The following AKAP6 variants were observed in gnomAD, a reference collection of about 807,000 sequenced individuals.
The protein encoded by AKAP6 is A-kinase anchoring protein 6, also known as A-kinase anchor protein 6.
AKAP6 carries 58 observed loss-of-function variants against 188.5 expected under a neutral mutation model. The ratio of observed to expected loss-of-function variants is 0.31; its 90% CI spans 0.25 to 0.38. AKAP6 has a LOEUF of 0.38. Ranked by LOEUF, AKAP6 falls within the 10% of genes least tolerant of loss-of-function variation. The pLI, the probability that AKAP6 is intolerant of heterozygous loss-of-function variation, is 1.00. For missense variants in AKAP6, 2,710 were observed against 2,740.0 expected (o/e 0.99, Z 0.24); for synonymous variants, 989 against 998.6 (o/e 0.99, Z 0.18).
Position 32,545,961 on chromosome 14 carries a change from A to G in AKAP6, c.1308A>G (p.Lys436=). The part of the protein sequence containing the change: ...PSLVDPPDRS[K]LCLVLQSSYP... ...TAGTAGATCCTCCTGACAGATCCAA[A>G]CTTTGCCTGGTATTGCAGTCTTCTT... Residue 436 remains lysine, a synonymous_variant, in exon 4 of 14, where the codon AAA becomes AAG. Transcript: ENST00000280979. The G allele has an allele frequency of 6.2e-7, 1 of 1,614,144 alleles. No individual in the cohort carries two copies. The highest frequency in any genetic ancestry group is 8.5e-7 in the Non-Finnish European group (1 of 1,180,014).
At chr14:32,378,424 T>C (rs1427638357) in intron 1 of AKAP6, among the ~76,000 whole-genome samples, 1 of 152,156 alleles carries the variant, frequency 6.6e-6, no homozygotes, top group Non-Finnish European at 1.5e-5. Context: ...CCATGAAATA[T>C]CTTATGTGTG....
intron 9 of AKAP6, among the ~76,000 whole-genome samples, chr14:32,725,375 T>C (rs766207255): frequency 4.6e-5 from 7 of 152,256 alleles, no homozygotes; most frequent in Non-Finnish European, 1.0e-4. Flanking sequence ...GGTCTGCCCC[T>C]TGGGCACGTC....
intron 2 of AKAP6, among the ~76,000 whole-genome samples, chr14:32,523,038 A>G (rs1010289062): frequency 5.9e-5 from 9 of 152,210 alleles, no homozygotes; most frequent in East Asian, 1.9e-4. Flanking sequence ...GACATGGATG[A>G]AGCTGGAAAC....
intron 7 of AKAP6, among the ~76,000 whole-genome samples, chr14:32,657,890 T>C (rs1051370058): frequency 2.6e-5 from 4 of 152,100 alleles, no homozygotes; most frequent in African/African-American, 9.7e-5. Context: ...GCACATCTAA[T>C]TATCATAGTA....
intron 2 of AKAP6, among the ~76,000 whole-genome samples, chr14:32,500,907 A>G (rs1311730166): frequency 6.6e-6 from 1 of 152,114 alleles, no homozygotes; most frequent in African/African-American, 2.4e-5. Flanking sequence ...AGGTATGTAT[A>G]CAGGGAACCT....
chr14:32,596,160 AG>A (rs1247696189), intron 5 of AKAP6, among the ~76,000 whole-genome samples: 1 of 152,144 alleles, frequency 6.6e-6, no homozygotes, highest in Non-Finnish European at 1.5e-5. Flanking sequence ...TGGACATTTA[AG>A]CTTTTGAATG....
At position 32,821,626 on chromosome 14, in the gene AKAP6, T is replaced by C. The variant is rs867114433; in HGVS notation, c.3813T>C (p.Ser1271=). The C allele has an allele frequency of 6.2e-7, 1 of 1,613,708 alleles. No homozygotes were observed. Among genetic ancestry groups the C allele is most frequent in the Middle Eastern group, 1.7e-4 (1 of 6,060 alleles). ...YDEEADNHGG[S]QYASNITAPS... ...AGGAGGCTGATAACCATGGGGGATC[T>C]CAGTATGCCTCAAATATTACTGCCC... Residue 1271 remains serine (S), a synonymous_variant, in exon 13 of 14, where the codon TCT becomes TCC. Transcript: ENST00000280979.
intron 11 of AKAP6, among the ~76,000 whole-genome samples, chr14:32,766,019 G>A (rs1239325489): frequency 6.6e-6 from 1 of 151,930 alleles, no homozygotes; most frequent in Non-Finnish European, 1.5e-5. Context: ...CTCGCTTTTT[G>A]CCCCTCACTG....
chr14:32,719,514 C>T (rs1305884515), intron 9 of AKAP6, among the ~76,000 whole-genome samples: 1 of 152,066 alleles, frequency 6.6e-6, no homozygotes, highest in Non-Finnish European at 1.5e-5. Flanking sequence ...TCTTCTTATC[C>T]TCAGAGAGAA....
chr14:32,478,197 G>A (rs909702991), intron 2 of AKAP6, among the ~76,000 whole-genome samples: 4 of 152,170 alleles, frequency 2.6e-5, no homozygotes, highest in Non-Finnish European at 2.9e-5. Context: ...GTGATTAAGA[G>A]CCAACATTAG....
At chr14:32,645,929 A>C (rs1395241188) in intron 7 of AKAP6, among the ~76,000 whole-genome samples, 1 of 152,194 alleles carries the variant, frequency 6.6e-6, no homozygotes, top group Non-Finnish European at 1.5e-5. Context: ...CATTGATTAT[A>C]TGAAAAACTA....
chr14:32,605,729 G>C (rs17099351), intron 7 of AKAP6, among the ~76,000 whole-genome samples: 2,590 of 152,218 alleles, frequency 0.017, 88 homozygotes, highest in African/African-American at 0.058. Context: ...CACAGGTCAT[G>C]TACAAATTGT....
Position 32,821,988 on chromosome 14 carries a change from A to G in AKAP6, c.4175A>G (p.Asn1392Ser), listed in dbSNP as rs1566735891. The G allele has an allele frequency of 6.2e-7, 1 of 1,613,948 alleles. No individual in the cohort carries two copies. Among genetic ancestry groups the G allele is most frequent in the Non-Finnish European group, 8.5e-7 (1 of 1,179,936 alleles). ...LLNAVDGSPS[N>S]LETEHLDPQM... ...AATGCAGTGGATGGGTCCCCAAGTA[A>G]CCTTGAAACTGAACATCTGGACCCA... is the stretch of plus-strand genomic sequence containing the variant. The change falls in exon 13 of 14, where the codon AAC (asparagine) becomes AGC (serine). Residue 1392 changes from asparagine to serine, a missense_variant. By Grantham distance (46) the Asn-to-Ser change is conservative. Around this residue, in one of 2 missense-constraint regions of AKAP6, gnomAD observed 2,473 missense variants for 2,426.1 expected, o/e 1.02. Coordinates refer to ENST00000280979, the MANE Select transcript of AKAP6 (RefSeq NM_004274.5).
At chr14:32,738,528 G>A (rs1035918558) in intron 11 of AKAP6, among the ~76,000 whole-genome samples, 4 of 152,080 alleles carry the variant, frequency 2.6e-5, no homozygotes, top group African/African-American at 7.2e-5. Context: ...TATGCATATT[G>A]TTATACTTAA....
intron 1 of AKAP6, among the ~76,000 whole-genome samples, chr14:32,390,419 G>T (rs373852612): frequency 1.3e-5 from 2 of 152,096 alleles, no homozygotes; most frequent in African/African-American, 4.8e-5. Context: ...AGGTGTTAAA[G>T]AACTTTGTTT....
intron 12 of AKAP6, among the ~76,000 whole-genome samples, chr14:32,776,478 T>C (rs1404624475): frequency 1.3e-5 from 2 of 152,184 alleles, no homozygotes; most frequent in African/African-American, 4.8e-5. Flanking sequence ...TCATTAAACC[T>C]CTTTTTCTTT....
intron 12 of AKAP6, among the ~76,000 whole-genome samples, chr14:32,787,956 G>C (rs2033475347): frequency 6.8e-6 from 1 of 147,664 alleles, no homozygotes; most frequent in Non-Finnish European, 1.5e-5. Context: ...CAGGAGGACT[G>C]CTTGAGCCCA....
intron 1 of AKAP6, among the ~76,000 whole-genome samples, chr14:32,364,252 G>A (rs1054030434): frequency 1.3e-5 from 2 of 152,170 alleles, no homozygotes; most frequent in African/African-American, 4.8e-5. Flanking sequence ...AAATGGATTT[G>A]GAACAGTTCA....
intron 2 of AKAP6, among the ~76,000 whole-genome samples, chr14:32,455,957 T>C (rs970679493): frequency 6.6e-6 from 1 of 152,198 alleles, no homozygotes; most frequent in Non-Finnish European, 1.5e-5. Context: ...CTGGAGTGGC[T>C]GCTTTGATTA....
Sources: gnomAD v4.1 joint callset for allele counts (sites outside exome capture counted in the v4.1 genomes callset) on GRCh38, gnomAD v4.1.1 for gene constraint, gnomAD v4.1.1 regional missense constraint, MANE v1.5 for transcripts, NCBI Gene and HGNC (gene_info 2026-07-23, HGNC 2026-07-21) for gene names.